Variants in LNX2 observed in about 807,000 individuals in gnomAD.
LNX2 encodes the protein ligand of Numb protein X 2.
A neutral mutation model predicts 66.2 loss-of-function variants in LNX2; 35 were observed. That is an observed-to-expected ratio of 0.53 (90% CI 0.40 to 0.70). The LOEUF (loss-of-function observed/expected upper bound fraction) is 0.70. Ranked by LOEUF, LNX2 falls within the 30% of genes least tolerant of loss-of-function variation. The pLI is 0.00. For synonymous variants in LNX2, 337 were observed against 315.6 expected, an observed-to-expected ratio of 1.07 and a Z score of -0.72; for missense variants, 791 against 850.8, an observed-to-expected ratio of 0.93 and a Z score of 0.87.
chr13:27,588,024 A>C (rs1374772849), intron 1 of LNX2, among the ~76,000 whole-genome samples: 2 of 26,484 alleles, frequency 7.6e-5, no homozygotes, highest in African/African-American at 8.0e-4. Context: ...CTTGTCACAA[A>C]AAAAAAAAAA....
At chr13:27,620,692 C>T (rs1218184628), upstream of LNX2, 1 of 152,614 alleles carries the variant, frequency 6.6e-6, no homozygotes, top group Non-Finnish European at 1.5e-5. Flanking sequence ...TATCCGAGAG[C>T]TCGGGAGGCG....
At chr13:27,560,565 G>GTGTGTATATATATATATA (rs35007288) in intron 5 of LNX2, among the ~76,000 whole-genome samples, 12 of 120,012 alleles carry the variant, frequency 1.0e-4, no homozygotes, top group African/African-American at 4.0e-4. Flanking sequence ...ATGTATGTGT[G>GTGTGTATATATATATATA]TATATATATA....
chr13:27,595,028 A>G (rs557245508), intron 1 of LNX2, among the ~76,000 whole-genome samples: 146 of 152,310 alleles, frequency 9.6e-4, no homozygotes, highest in Admixed American at 2.4e-3. Flanking sequence ...TTAAAGCCAA[A>G]TTATTCAACC....
chr13:27,563,423 C>T (rs914334406), intron 4 of LNX2, among the ~76,000 whole-genome samples: 6 of 152,160 alleles, frequency 3.9e-5, no homozygotes, highest in Admixed American at 2.0e-4. Context: ...AAAGTAATTA[C>T]GGTTTTTACC....
chr13:27,562,185 G>A (rs1042506990), intron 5 of LNX2, among the ~76,000 whole-genome samples: 4 of 152,122 alleles, frequency 2.6e-5, no homozygotes, highest in Admixed American at 6.6e-5. Context: ...TAGAGCCTAC[G>A]CTCTGTAAAT....
chr13:27,577,558 A>G (rs896501399), intron 2 of LNX2, among the ~76,000 whole-genome samples: 4 of 152,192 alleles, frequency 2.6e-5, no homozygotes, highest in African/African-American at 9.7e-5. Context: ...CTTAAAAAAA[A>G]AATAATCCCA....
At chr13:27,594,089 G>C (rs558940246) in intron 1 of LNX2, among the ~76,000 whole-genome samples, 1 of 152,184 alleles carries the variant, frequency 6.6e-6, no homozygotes, top group African/African-American at 2.4e-5. Context: ...TACTAGCAAT[G>C]TATAAATATA....
chr13:27,615,410 G>A (rs1265829802), intron 1 of LNX2, among the ~76,000 whole-genome samples: 1 of 152,236 alleles, frequency 6.6e-6, no homozygotes, highest in African/African-American at 2.4e-5. Context: ...GTGATCAGCT[G>A]TCCAGAAGCT....
At chr13:27,598,932 C>T (rs1955627405) in intron 1 of LNX2, among the ~76,000 whole-genome samples, 1 of 152,156 alleles carries the variant, frequency 6.6e-6, no homozygotes. Flanking sequence ...GTATTGCCAT[C>T]TATATGGGGG....
At chr13:27,558,242 A>G (rs527640668) in intron 6 of LNX2, among the ~76,000 whole-genome samples, 84 of 152,078 alleles carry the variant, frequency 5.5e-4, no homozygotes, top group Non-Finnish European at 1.0e-3. Context: ...GGATTTGACA[A>G]AACAAATGGA....
intron 2 of LNX2, among the ~76,000 whole-genome samples, chr13:27,571,057 A>T (rs1390458298): frequency 6.6e-6 from 1 of 152,238 alleles, no homozygotes; most frequent in Non-Finnish European, 1.5e-5. Flanking sequence ...GAAAAATATT[A>T]AAAATGACAT....
chr13:27,604,390 A>G (rs928086522), intron 1 of LNX2, among the ~76,000 whole-genome samples: 3 of 152,242 alleles, frequency 2.0e-5, no homozygotes, highest in African/African-American at 4.8e-5. Context: ...TCAGCTATTG[A>G]GCACACTATG....
chr13:27,585,758 A>G (rs963105530), intron 1 of LNX2, among the ~76,000 whole-genome samples: 9 of 151,750 alleles, frequency 5.9e-5, no homozygotes, highest in African/African-American at 1.9e-4. Context: ...CCTCTTTGTG[A>G]TAGTGTTTAT....
chr13:27,553,829 A>G, intron 7 of LNX2, among the ~76,000 whole-genome samples: 1 of 152,184 alleles, frequency 6.6e-6, no homozygotes, highest in East Asian at 1.9e-4. Context: ...GCCCTTAGAA[A>G]TAAATCTTTA....
chr13:27,610,336 A>G (rs1955759482), intron 1 of LNX2, among the ~76,000 whole-genome samples: 9 of 152,262 alleles, frequency 5.9e-5, no homozygotes, highest in Admixed American at 5.9e-4. Flanking sequence ...ACTATGAAGC[A>G]GCTGAAAACT....
chr13:27,592,019 C>G (rs1293195516), intron 1 of LNX2, among the ~76,000 whole-genome samples: 2 of 152,172 alleles, frequency 1.3e-5, no homozygotes, highest in Non-Finnish European at 2.9e-5. Flanking sequence ...GTTCAATGAA[C>G]AGTAAGGAGG....
chr13:27,564,181 T>A (rs1162041079), intron 4 of LNX2, among the ~76,000 whole-genome samples: 1 of 152,214 alleles, frequency 6.6e-6, no homozygotes, highest in Non-Finnish European at 1.5e-5. Flanking sequence ...TGTGTAAACA[T>A]GCAGCCTCAT....
chr13:27,591,304 CATA>C (rs1453434285), intron 1 of LNX2, among the ~76,000 whole-genome samples: 25 of 152,152 alleles, frequency 1.6e-4, no homozygotes, highest in African/African-American at 3.1e-4. Flanking sequence ...AATACAAATG[CATA>C]ATGTTACATG....
chr13:27,600,497 T>C (rs17085796), intron 1 of LNX2, among the ~76,000 whole-genome samples: 6,262 of 152,272 alleles, frequency 0.041, 160 homozygotes, highest in East Asian at 0.093. Flanking sequence ...GTAGAATTAC[T>C]CAGTAGGTAA....
Sources: allele counts gnomAD v4.1 joint callset (sites outside exome capture counted in the v4.1 genomes callset), GRCh38; gene constraint gnomAD v4.1.1; transcripts MANE v1.5; gene names NCBI Gene and HGNC (gene_info 2026-07-23, HGNC 2026-07-21).